The following ZBTB34 variants were observed in gnomAD, a reference collection of about 807,000 sequenced individuals.
ZBTB34 encodes the protein zinc finger and BTB domain containing 34, also known as zinc finger and BTB domain-containing protein 34.
ZBTB34 carries 1 observed loss-of-function variant against 33.4 expected under a neutral mutation model. The ratio of observed to expected loss-of-function variants is 0.03; its 90% CI spans 0.01 to 0.14. The LOEUF (loss-of-function observed/expected upper bound fraction) is 0.14, where lower values mean the gene tolerates loss of function less well. Among genes scored for constraint, ZBTB34 ranks in the 10% least tolerant of loss-of-function variants. The probability of loss-of-function intolerance (pLI) is 1.00; values close to 1 mark genes in which losing one functional copy is unlikely to be tolerated. For synonymous variants in ZBTB34, 283 were observed against 253.5 expected (o/e 1.12, Z -1.11); for missense variants, 406 against 657.2 (o/e 0.62, Z 4.18).
chr9:126,862,680 C>T (rs997597279), intron 1 of ZBTB34, among the ~76,000 whole-genome samples: 1 of 152,168 alleles, frequency 6.6e-6, no homozygotes, highest in Admixed American at 6.5e-5. Flanking sequence ...AGAGGGTGTT[C>T]CCTGACTTCC....
chr9:126,870,518 T>C (rs993818629), intron 1 of ZBTB34, among the ~76,000 whole-genome samples: 3 of 152,164 alleles, frequency 2.0e-5, no homozygotes, highest in Non-Finnish European at 4.4e-5. Flanking sequence ...TGCGAAGAGC[T>C]CTGACAAATC....
intron 1 of ZBTB34, among the ~76,000 whole-genome samples, chr9:126,873,983 C>G (rs1193564549): frequency 8.7e-5 from 13 of 149,556 alleles, no homozygotes; most frequent in Non-Finnish European, 1.5e-4. Flanking sequence ...TCGCGTTTTT[C>G]AGTTGTTACA....
chr9:126,865,554 T>C (rs1347193014), intron 1 of ZBTB34, among the ~76,000 whole-genome samples: 2 of 152,248 alleles, frequency 1.3e-5, no homozygotes, highest in African/African-American at 2.4e-5. Flanking sequence ...TTTGCCCAGA[T>C]GGCATCTGAG....
At chr9:126,884,538 A>G (rs2033493820) in exon 2 of ZBTB34, 2 of 166,972 alleles carry the variant, frequency 1.2e-5, no homozygotes, top group East Asian at 1.9e-4. Context: ...TGAGCAGAAT[A>G]TACTGTAGAA....
intron 1 of ZBTB34, 126 bp downstream of exon 1, chr9:126,860,865 C>G (rs1041901991): frequency 1.4e-5 from 2 of 147,490 alleles, no homozygotes; most frequent in South Asian, 1.9e-4. Flanking sequence ...GGGGCGGGAG[C>G]CTCCGCGCCT....
chr9:126,867,905 C>G (rs2033230026), intron 1 of ZBTB34, among the ~76,000 whole-genome samples: 3 of 152,004 alleles, frequency 2.0e-5, no homozygotes, highest in Non-Finnish European at 4.4e-5. Flanking sequence ...TTTGAAAATT[C>G]AAAGGAGCTG....
intron 1 of ZBTB34, among the ~76,000 whole-genome samples, chr9:126,868,458 G>A (rs774933161): frequency 7.2e-5 from 11 of 152,124 alleles, no homozygotes; most frequent in Non-Finnish European, 1.0e-4. Flanking sequence ...AGGCAGTGCC[G>A]CTCTCCCTGT....
At chr9:126,866,779 A>C (rs2033207077) in intron 1 of ZBTB34, among the ~76,000 whole-genome samples, 1 of 152,156 alleles carries the variant, frequency 6.6e-6, no homozygotes. Context: ...GCTTAAAAAA[A>C]AATTTTAGTG....
At chr9:126,876,313 T>C (rs1392855078) in intron 1 of ZBTB34, among the ~76,000 whole-genome samples, 1 of 140,314 alleles carries the variant, frequency 7.1e-6, no homozygotes, top group African/African-American at 2.7e-5. Flanking sequence ...TTGTAGTAGA[T>C]ACACTTTATT....
chr9:126,869,448 C>G (rs1390634419), intron 1 of ZBTB34, among the ~76,000 whole-genome samples: 1 of 152,046 alleles, frequency 6.6e-6, no homozygotes, highest in Non-Finnish European at 1.5e-5. Context: ...TTACGACATG[C>G]CTGGCATGTA....
rs76482780 is a variant in ZBTB34 at position 126,876,265 on chromosome 9, T to C, written c.-10-3125T>C. Among the ~76,000 whole-genome samples the C allele has an allele frequency of 4.2e-3, 297 of 70,030 alleles. 11 individuals carry two copies. In the East Asian group the frequency reaches 0.074, roughly 18 times the overall value. 45.9% of individuals were successfully genotyped at this position (70,030 alleles called of 152,430 possible). The stretch of plus-strand genomic sequence containing the variant: ...TTTCCCTGTTAAGTATACCAACATA[T>C]GCAGTGTTTCCTTTTTAAGGATGAT... On this transcript the variant is annotated intron_variant, in intron 1 of 1. Transcript: ENST00000319119.
chr9:126,863,227 G>A (rs1242564987), intron 1 of ZBTB34, among the ~76,000 whole-genome samples: 1 of 152,112 alleles, frequency 6.6e-6, no homozygotes, highest in Non-Finnish European at 1.5e-5. Flanking sequence ...CTGAGCCTCC[G>A]TTTCTTATTT....
chr9:126,876,410 G>T (rs946535873), intron 1 of ZBTB34, among the ~76,000 whole-genome samples: 1 of 150,568 alleles, frequency 6.6e-6, no homozygotes, highest in Non-Finnish European at 1.5e-5. Context: ...ATGCATTTTT[G>T]ACATAGTATT....
chr9:126,870,114 C>T (rs2033258855), intron 1 of ZBTB34, among the ~76,000 whole-genome samples: 1 of 152,040 alleles, frequency 6.6e-6, no homozygotes, highest in Non-Finnish European at 1.5e-5. Context: ...GACAGAAACA[C>T]CTATGATTAA....
chr9:126,864,524 G>T (rs576165490), intron 1 of ZBTB34, among the ~76,000 whole-genome samples: 1 of 152,292 alleles, frequency 6.6e-6, no homozygotes, highest in African/African-American at 2.4e-5. Context: ...GGTAGGAAAT[G>T]TAACAGTTTG....
At chr9:126,872,830 G>A (rs562151759) in intron 1 of ZBTB34, among the ~76,000 whole-genome samples, 1 of 152,300 alleles carries the variant, frequency 6.6e-6, no homozygotes, top group South Asian at 2.1e-4. Flanking sequence ...TAATGTAAGG[G>A]AGAGGAGAGC....
chr9:126,878,726 G>GTT (rs1316065576), intron 1 of ZBTB34, among the ~76,000 whole-genome samples: 40 of 133,734 alleles, frequency 3.0e-4, no homozygotes, highest in African/African-American at 6.0e-4. Context: ...TTTTTGTTTT[G>GTT]TTTTTTTTTT....
chr9:126,881,907 G>A (rs2033447172), exon 2 of ZBTB34: 1 of 166,850 alleles, frequency 6.0e-6, no homozygotes, highest in African/African-American at 2.4e-5. Flanking sequence ...CTTAAGGAAA[G>A]GGATTTGTAG....
At chr9:126,876,031 A>C (rs2033351704) in intron 1 of ZBTB34, among the ~76,000 whole-genome samples, 1 of 151,388 alleles carries the variant, frequency 6.6e-6, no homozygotes, top group African/African-American at 2.4e-5. Context: ...TTCTGATGGG[A>C]TATTATGCTA....
Sources: gnomAD v4.1 joint callset for allele counts (sites outside exome capture counted in the v4.1 genomes callset) on GRCh38, gnomAD v4.1.1 for gene constraint, MANE v1.5 for transcripts, NCBI Gene and HGNC (gene_info 2026-07-23, HGNC 2026-07-21) for gene names.